Variants in LEPR observed in about 807,000 individuals in gnomAD.
LEPR encodes leptin receptor.
A neutral mutation model predicts 114.7 loss-of-function variants in LEPR; 56 were observed. The ratio of observed to expected loss-of-function variants is 0.49; its 90% confidence interval spans 0.39 to 0.61. The LOEUF (loss-of-function observed/expected upper bound fraction) is 0.61, where lower values mean the gene tolerates loss of function less well. Among genes scored for constraint, LEPR ranks in the 20% least tolerant of loss-of-function variants. The pLI, the probability that LEPR is intolerant of heterozygous loss-of-function variation, is 0.00. For synonymous variants in LEPR, 443 were observed against 461.4 expected (o/e 0.96, Z 0.51); for missense variants, 1,202 against 1,352.9 (o/e 0.89, Z 1.75).
At position 65,596,468 on chromosome 1, in the gene LEPR, G is replaced by A; in HGVS notation, c.724G>A (p.Gly242Ser). The stretch of plus-strand genomic sequence containing the variant: ...TTAAGTGAAGCCTGATCCACCATTA[G>A]GTTTGCATATGGAAATCACAGATGA... ...INMVKPDPPLGLHMEITDDGN... is the reference protein window; with the variant it reads ...INMVKPDPPLSLHMEITDDGN... Residue 242 changes from glycine (G) to serine (S), a missense_variant, in exon 7 of 20, where the codon GGT (glycine) becomes AGT (serine). Gly to Ser is a moderately conservative substitution (Grantham distance 56, BLOSUM62 0). Transcript: ENST00000349533. The A allele has an allele frequency of 6.2e-7, 1 of 1,612,552 alleles. No homozygotes were observed. Among genetic ancestry groups the A allele is most frequent in the Non-Finnish European group, 8.5e-7 (1 of 1,179,144 alleles).
At chr1:65,439,196 C>T (rs897661453) in intron 2 of LEPR, among the ~76,000 whole-genome samples, 12 of 152,144 alleles carry the variant, frequency 7.9e-5, no homozygotes, top group African/African-American at 1.4e-4. Context: ...ATCAATTTTC[C>T]GCAACATGAT....
At chr1:65,519,136 CTTCCTTCCTTCCTTCCT>C (rs1380985749) in intron 2 of LEPR, among the ~76,000 whole-genome samples, 5 of 144,160 alleles carry the variant, frequency 3.5e-5, no homozygotes, top group Admixed American at 7.1e-5. Context: ...TCCTTCCTTC[CTTCCTTCCTTCCTTCCT>C]TTCCTTCCTT....
chr1:65,624,527 G>A (rs1557703439), intron 19 of LEPR, among the ~76,000 whole-genome samples: 1 of 152,040 alleles, frequency 6.6e-6, no homozygotes, highest in African/African-American at 2.4e-5. Flanking sequence ...AAAAACTTAG[G>A]TTGGTGCAAA....
chr1:65,625,620 G>A (rs182554939), intron 19 of LEPR, among the ~76,000 whole-genome samples: 10 of 152,182 alleles, frequency 6.6e-5, no homozygotes, highest in African/African-American at 1.9e-4. Flanking sequence ...TGTGCTGAGC[G>A]CTTATAATGT....
Position 65,637,057 on chromosome 1 carries a change from T to G in LEPR, c.*42T>G. The G allele has an allele frequency of 6.3e-7, 1 of 1,582,934 alleles. No homozygotes were observed. The highest frequency in any genetic ancestry group is 2.2e-5 in the East Asian group (1 of 44,684). ...TTCAGATTTGTGTTATAATGGGTAA[T>G]ATAAAGTGTAATAGATTATAGTTGT... On this transcript the variant is annotated 3_prime_UTR_variant, in exon 20 of 20. Coordinates refer to ENST00000349533, the MANE Select transcript of LEPR (RefSeq NM_002303.6).
chr1:65,479,989 A>G (rs994729070), intron 2 of LEPR, among the ~76,000 whole-genome samples: 2 of 152,234 alleles, frequency 1.3e-5, no homozygotes, highest in African/African-American at 2.4e-5. Flanking sequence ...GTGTTAACCC[A>G]TGAAAAACAG....
intron 2 of LEPR, among the ~76,000 whole-genome samples, chr1:65,531,673 T>A (rs1169826934): frequency 2.6e-5 from 4 of 152,298 alleles, no homozygotes; most frequent in Non-Finnish European, 5.9e-5. Flanking sequence ...ATGCTATTGT[T>A]TGTTCATTTT....
chr1:65,536,895 G>A (rs746057736), intron 2 of LEPR, among the ~76,000 whole-genome samples: 31 of 150,326 alleles, frequency 2.1e-4, no homozygotes, highest in Non-Finnish European at 3.0e-4. Context: ...TGTCAATATC[G>A]GGTTTTTTGG....
At chr1:65,444,317 C>T (rs1646686251) in intron 2 of LEPR, among the ~76,000 whole-genome samples, 2 of 152,142 alleles carry the variant, frequency 1.3e-5, no homozygotes, top group South Asian at 4.1e-4. Context: ...AGCCTTTGCT[C>T]ACCATGCCTT....
chr1:65,525,452 C>T (rs1649871874), intron 2 of LEPR, among the ~76,000 whole-genome samples: 1 of 152,150 alleles, frequency 6.6e-6, no homozygotes, highest in Admixed American at 6.5e-5. Context: ...GGTCTCTCCT[C>T]CCGCAGGCCC....
intron 2 of LEPR, among the ~76,000 whole-genome samples, chr1:65,446,858 G>A (rs1233823285): frequency 1.3e-5 from 2 of 152,046 alleles, no homozygotes; most frequent in Non-Finnish European, 2.9e-5. Context: ...TTGAGACAGG[G>A]TCTCACTCTG....
chr1:65,609,911 G>A, intron 12 of LEPR, 36 bp from the exon 13 acceptor site: 1 of 1,613,922 alleles, frequency 6.2e-7, no homozygotes, highest in Non-Finnish European at 8.5e-7. Context: ...ATATGTGTTG[G>A]TAATGATCAA....
intron 11 of LEPR, among the ~76,000 whole-genome samples, chr1:65,607,801 T>C (rs538266565): frequency 6.6e-6 from 1 of 152,310 alleles, no homozygotes; most frequent in Admixed American, 6.5e-5. Context: ...AAAACTTATG[T>C]AGTGAATCTA....
chr1:65,475,953 T>C lies in LEPR; in HGVS notation c.-21+50575T>C, dbSNP rs554640825. Among the ~76,000 whole-genome samples, 19 of 151,322 alleles carry C rather than the reference T, an allele frequency of 1.3e-4. No homozygotes were observed. The South Asian group carries it at 4.0e-3, about 32-fold the overall frequency. On this transcript the variant is annotated intron_variant, in intron 2 of 19. Transcript: ENST00000349533. ...GATTGCCTGAGCCCAGGAGGTTGAG[T>C]CTGCAGTGAGCCATGATCACGCCAC...
intron 2 of LEPR, among the ~76,000 whole-genome samples, chr1:65,446,432 G>A (rs888862096): frequency 1.3e-5 from 2 of 152,146 alleles, no homozygotes; most frequent in Non-Finnish European, 2.9e-5. Context: ...CAATGATATC[G>A]AACAGAGGTC....
chr1:65,469,912 T>C (rs1271286240), intron 2 of LEPR, among the ~76,000 whole-genome samples: 2 of 152,188 alleles, frequency 1.3e-5, no homozygotes, highest in Non-Finnish European at 2.9e-5. Context: ...AAGCCAGGCC[T>C]GACCTGTGCG....
At chr1:65,574,147 A>G (rs1395629400) in intron 5 of LEPR, among the ~76,000 whole-genome samples, 1 of 152,122 alleles carries the variant, frequency 6.6e-6, no homozygotes, top group Non-Finnish European at 1.5e-5. Context: ...TGGTGAGAGA[A>G]GAGAGGAGGA....
At chr1:65,631,841 A>C (rs149867478) in intron 19 of LEPR, among the ~76,000 whole-genome samples, 2 of 152,228 alleles carry the variant, frequency 1.3e-5, no homozygotes, top group East Asian at 3.9e-4. Flanking sequence ...TAATTTGTTA[A>C]ATTTCTTCTA....
At chr1:65,611,940 G>A (rs1657195893) in intron 14 of LEPR, among the ~76,000 whole-genome samples, 1 of 152,174 alleles carries the variant, frequency 6.6e-6, no homozygotes, top group African/African-American at 2.4e-5. Context: ...GTTCTTTAGG[G>A]GTGATTTGTG....
Sources: allele counts gnomAD v4.1 joint callset (sites outside exome capture counted in the v4.1 genomes callset), GRCh38; gene constraint gnomAD v4.1.1; transcripts MANE v1.5; gene names NCBI Gene and HGNC (gene_info 2026-07-23, HGNC 2026-07-21).